SNTG1: variants seen among roughly 807,000 people sequenced by gnomAD.
SNTG1 encodes the protein syntrophin gamma 1.
SNTG1 carries 39 observed loss-of-function variants against 74.7 expected under a neutral mutation model. The ratio of observed to expected loss-of-function variants is 0.52; its 90% confidence interval spans 0.40 to 0.68. The LOEUF (loss-of-function observed/expected upper bound fraction) is 0.68. Among genes scored for constraint, SNTG1 ranks in the 30% least tolerant of loss-of-function variants. SNTG1 has a pLI of 0.00. For synonymous variants in SNTG1, 254 were observed against 217.1 expected (o/e 1.17, Z -1.49); for missense variants, 685 against 609.5 (o/e 1.12, Z -1.30).
intron 18 of SNTG1, among the ~76,000 whole-genome samples, chr8:50,757,758 T>C (rs557844091): frequency 3.9e-5 from 6 of 152,014 alleles, no homozygotes; most frequent in Non-Finnish European, 8.8e-5. Context: ...ATTCTTATTT[T>C]AGTCTTCCAT....
chr8:50,308,831 G>T (rs1454877078), intron 2 of SNTG1, among the ~76,000 whole-genome samples: 2 of 152,084 alleles, frequency 1.3e-5, no homozygotes, highest in African/African-American at 4.8e-5. Context: ...TTTTGTTCTT[G>T]CTAACTTTCT....
chr8:49,942,863 T>C (rs879423033), intron 1 of SNTG1, among the ~76,000 whole-genome samples: 3 of 152,230 alleles, frequency 2.0e-5, no homozygotes, highest in Non-Finnish European at 4.4e-5. Flanking sequence ...GTTTCTCCTC[T>C]GTAAAGTTAC....
intron 1 of SNTG1, among the ~76,000 whole-genome samples, chr8:50,162,449 C>T (rs1195109482): frequency 6.6e-6 from 1 of 150,736 alleles, no homozygotes; most frequent in Non-Finnish European, 1.5e-5. Context: ...GTAGTCCCGG[C>T]TACTTGGGAG....
chr8:50,176,421 C>T (rs919891905), intron 2 of SNTG1, among the ~76,000 whole-genome samples: 1 of 152,176 alleles, frequency 6.6e-6, no homozygotes, highest in African/African-American at 2.4e-5. Flanking sequence ...TAGCATTCAG[C>T]CCAGTACTGA....
intron 15 of SNTG1, among the ~76,000 whole-genome samples, chr8:50,666,703 C>T (rs890104099): frequency 6.6e-6 from 1 of 151,952 alleles, no homozygotes; most frequent in African/African-American, 2.4e-5. Flanking sequence ...TAAAGGCTAC[C>T]AGGCTTGTAC....
intron 8 of SNTG1, among the ~76,000 whole-genome samples, chr8:50,459,990 T>C (rs142659919): frequency 7.2e-4 from 110 of 152,320 alleles, no homozygotes; most frequent in African/African-American, 2.4e-3. Context: ...GTGTGTCTTT[T>C]CTGTAAAATG....
At chr8:50,693,611 T>G (rs1444956258) in intron 15 of SNTG1, among the ~76,000 whole-genome samples, 1 of 152,138 alleles carries the variant, frequency 6.6e-6, no homozygotes, top group African/African-American at 2.4e-5. Flanking sequence ...TTAGACCAAA[T>G]GAACCTCATA....
chr8:50,256,642 T>C (rs1270977851), intron 2 of SNTG1, among the ~76,000 whole-genome samples: 1 of 152,042 alleles, frequency 6.6e-6, no homozygotes, highest in African/African-American at 2.4e-5. Flanking sequence ...AATAAATATT[T>C]TGTAAGAAAA....
chr8:50,450,913 A>G (rs1364904907), intron 8 of SNTG1, among the ~76,000 whole-genome samples, 184 bp downstream of exon 8: 3 of 152,110 alleles, frequency 2.0e-5, no homozygotes, highest in Non-Finnish European at 4.4e-5. Context: ...CCTATCAAGG[A>G]TGAAATGTGT....
At chr8:50,302,358 G>A (rs1409758971) in intron 2 of SNTG1, among the ~76,000 whole-genome samples, 11 of 152,090 alleles carry the variant, frequency 7.2e-5, no homozygotes, top group Admixed American at 1.3e-4. Flanking sequence ...CAGCTGTGAT[G>A]TGTTTCCCCG....
intron 2 of SNTG1, among the ~76,000 whole-genome samples, chr8:50,360,026 A>C (rs574039659): frequency 6.6e-6 from 1 of 152,250 alleles, no homozygotes; most frequent in South Asian, 2.1e-4. Context: ...TCTGTAGAAG[A>C]GTGAGGATAA....
At chr8:50,488,367 T>A (rs2093818003) in intron 8 of SNTG1, among the ~76,000 whole-genome samples, 1 of 152,162 alleles carries the variant, frequency 6.6e-6, no homozygotes. Flanking sequence ...GTCACTCAGT[T>A]TTTCAATGTT....
intron 17 of SNTG1, chr8:50,709,194 A>T: frequency 1.9e-6 from 1 of 534,796 alleles, no homozygotes; most frequent in Non-Finnish European, 3.3e-6. Context: ...TAACTATGTG[A>T]AAGTATTTAT....
chr8:50,090,083 C>T (rs986255280), intron 1 of SNTG1, among the ~76,000 whole-genome samples: 7 of 152,204 alleles, frequency 4.6e-5, no homozygotes, highest in African/African-American at 7.2e-5. Flanking sequence ...TTAAACACAG[C>T]ATTTCAGAGC....
intron 18 of SNTG1, among the ~76,000 whole-genome samples, chr8:50,767,732 T>C (rs1014661039): frequency 1.3e-5 from 2 of 152,022 alleles, no homozygotes; most frequent in African/African-American, 2.4e-5. Flanking sequence ...TAGTCATTTA[T>C]AACTAAACAT....
At chr8:50,454,580 G>A (rs911727637) in intron 8 of SNTG1, among the ~76,000 whole-genome samples, 16 of 152,086 alleles carry the variant, frequency 1.1e-4, no homozygotes, top group African/African-American at 3.4e-4. Context: ...GGTGGCTCAC[G>A]CCTGTAATCC....
chr8:50,560,631 C>T (rs561388188), intron 12 of SNTG1, among the ~76,000 whole-genome samples: 35 of 152,184 alleles, frequency 2.3e-4, no homozygotes, highest in Non-Finnish European at 4.9e-4. Context: ...GAAAATCAGA[C>T]GCCACGTCTT....
Position 50,201,664 on chromosome 8 carries a change from T to A in SNTG1, c.-28+29029T>A, listed in dbSNP as rs74750636. Among the ~76,000 whole-genome samples the A allele has an allele frequency of 3.8e-3, 585 of 152,218 alleles. 6 individuals are homozygous for A. The highest frequency in any genetic ancestry group is 0.013 in the African/African-American group (555 of 41,546). ...CTGATACTAGAAATCAGGAACTGGG[T>A]GTTATGTGTCCTTGTAGCTCTTGAT... On this transcript the variant is annotated intron_variant, in intron 2 of 18. Coordinates refer to ENST00000642720, the MANE Select transcript of SNTG1 (RefSeq NM_018967.5).
chr8:50,555,907 A>G (rs1364047529), intron 12 of SNTG1, among the ~76,000 whole-genome samples: 1 of 152,174 alleles, frequency 6.6e-6, no homozygotes, highest in Non-Finnish European at 1.5e-5. Flanking sequence ...AAAAGCAAAA[A>G]CAAAAAACGA....
Sources: allele counts gnomAD v4.1 joint callset (sites outside exome capture counted in the v4.1 genomes callset), GRCh38; gene constraint gnomAD v4.1.1; transcripts MANE v1.5; gene names NCBI Gene and HGNC (gene_info 2026-07-23, HGNC 2026-07-21).